Variants in CLYBL observed in about 807,000 individuals in gnomAD.
CLYBL encodes citramalyl-CoA lyase, also known as citramalyl-CoA lyase, mitochondrial.
Under a neutral mutation model 38.9 loss-of-function variants are expected in CLYBL, and 31 were observed. That is an observed-to-expected ratio of 0.80 (90% CI 0.60 to 1.08). The LOEUF is 1.08. CLYBL is among the 50% of genes least tolerant of loss of function. The probability of loss-of-function intolerance (pLI) is 0.00; values close to 1 mark genes in which losing one functional copy is unlikely to be tolerated. For missense variants in CLYBL, 434 were observed against 411.6 expected (o/e 1.05, Z -0.47); for synonymous variants, 171 against 158.6 (o/e 1.08, Z -0.59).
intron 2 of CLYBL, among the ~76,000 whole-genome samples, chr13:99,852,712 AGT>A (rs1330184180): frequency 8.7e-6 from 1 of 115,530 alleles, no homozygotes; most frequent in African/African-American, 3.5e-5. Context: ...AAAAATTGTC[AGT>A]GTTTTAGGGT....
intron 2 of CLYBL, among the ~76,000 whole-genome samples, chr13:99,805,986 A>G (rs908521575): frequency 1.3e-5 from 2 of 152,178 alleles, no homozygotes; most frequent in Non-Finnish European, 2.9e-5. Context: ...AATTCAGTTA[A>G]CTATTCCCCT....
intron 1 of CLYBL, among the ~76,000 whole-genome samples, chr13:99,648,869 G>C (rs2047212763): frequency 6.6e-6 from 1 of 151,626 alleles, no homozygotes; most frequent in Non-Finnish European, 1.5e-5. Flanking sequence ...TCTGCAAGTT[G>C]GACTTTGAAA....
At chr13:99,644,120 A>G (rs1010779413) in intron 1 of CLYBL, among the ~76,000 whole-genome samples, 1 of 151,182 alleles carries the variant, frequency 6.6e-6, no homozygotes, top group African/African-American at 2.4e-5. Context: ...GTATGTATGT[A>G]TATGTGGTGT....
At chr13:99,608,847 CTTTTTTTTTTTTTTTTTT>C (rs57961216) in intron 1 of CLYBL, among the ~76,000 whole-genome samples, 11,930 of 88,172 alleles carry the variant, frequency 0.14, 786 homozygotes, top group Middle Eastern at 0.17. Context: ...AGTGATGAGT[CTTTTTTTTTTTTTTTTTT>C]TTTTTTTTTT....
chr13:99,848,296 A>T (rs1344867879), intron 2 of CLYBL, among the ~76,000 whole-genome samples: 2 of 152,168 alleles, frequency 1.3e-5, no homozygotes, highest in Non-Finnish European at 2.9e-5. Flanking sequence ...CATCGCCACA[A>T]CTGGATGATA....
chr13:99,617,223 G>A (rs9634449), intron 1 of CLYBL, among the ~76,000 whole-genome samples: 38,874 of 152,024 alleles, frequency 0.26, 6,129 homozygotes, highest in East Asian at 0.58. Context: ...CCAGTAAAAT[G>A]AGGGTCTTAG....
chr13:99,710,534 G>A (rs551586125), intron 1 of CLYBL, among the ~76,000 whole-genome samples: 9 of 152,294 alleles, frequency 5.9e-5, no homozygotes, highest in African/African-American at 1.9e-4. Flanking sequence ...TTTTTATGCA[G>A]GTAGGGAAGA....
chr13:99,746,026 A>G (rs1055889693), intron 1 of CLYBL, among the ~76,000 whole-genome samples: 1 of 35,750 alleles, frequency 2.8e-5, no homozygotes, highest in Non-Finnish European at 8.1e-5. Flanking sequence ...CATGACAGTT[A>G]CCAAAAAAAA....
At chr13:99,782,913 A>G (rs2806307) in intron 2 of CLYBL, among the ~76,000 whole-genome samples, 53,221 of 150,940 alleles carry the variant, frequency 0.35, 9,828 homozygotes, top group Middle Eastern at 0.45. Context: ...ATCTTCTCAT[A>G]TTTTCTTCTT....
At chr13:99,850,351 C>T (rs1024890389) in intron 2 of CLYBL, among the ~76,000 whole-genome samples, 3 of 152,134 alleles carry the variant, frequency 2.0e-5, no homozygotes, top group Admixed American at 2.0e-4. Context: ...GGGCAAGGGA[C>T]TTGAATAGAC....
chr13:99,816,602 C>T (rs1278061220), intron 2 of CLYBL, among the ~76,000 whole-genome samples: 1 of 152,176 alleles, frequency 6.6e-6, no homozygotes, highest in East Asian at 1.9e-4. Flanking sequence ...AGATGGAGCC[C>T]ACATGAACTG....
Position 99,836,898 on chromosome 13 carries a change from G to A in CLYBL, c.250-21963G>A, listed in dbSNP as rs561144646. Among the ~76,000 whole-genome samples the A allele has an allele frequency of 3.3e-5, 5 of 152,188 alleles. No homozygotes were observed. In the South Asian group the frequency reaches 1.0e-3, roughly 32 times the overall value. On this transcript the variant is annotated intron_variant, in intron 2 of 8. Transcript: ENST00000339105. ...CACACCGGGGACTGTTGTGGGGTGG[G>A]GGAAGGGGGAGGGATAGCATTAGGA...
At chr13:99,889,133 C>T (rs2052423571) in intron 7 of CLYBL, among the ~76,000 whole-genome samples, 1 of 152,202 alleles carries the variant, frequency 6.6e-6, no homozygotes, top group African/African-American at 2.4e-5. Context: ...CTTTGATGTG[C>T]ACATGGAACC....
Position 99,869,486 on chromosome 13 carries a change from C to G in CLYBL, c.803-1452C>G, listed in dbSNP as rs566707200. On this transcript the variant is annotated intron_variant, in intron 6 of 8. Coordinates refer to ENST00000339105, the MANE Select transcript of CLYBL (RefSeq NM_206808.5). The surrounding 1 kb of genome is among the most constrained non-coding windows in gnomAD (Gnocchi z 4.3). ...CCCTCTTGTCATCCCTCATGTTATT[C>G]GTTCCCAGAAATTATTCCTCAGGTA... Among the ~76,000 whole-genome samples the G allele has an allele frequency of 2.0e-5, 3 of 152,182 alleles. No homozygotes were observed. Among genetic ancestry groups the G allele is most frequent in the Admixed American group, 1.3e-4 (2 of 15,280 alleles).
intron 1 of CLYBL, among the ~76,000 whole-genome samples, chr13:99,717,522 C>T (rs1053753004): frequency 2.6e-5 from 4 of 151,264 alleles, no homozygotes; most frequent in East Asian, 1.9e-4. Context: ...TGCAGTGGCA[C>T]GATCTCAGTT....
intron 1 of CLYBL, among the ~76,000 whole-genome samples, chr13:99,608,026 T>G (rs2046556532): frequency 6.7e-6 from 1 of 150,304 alleles, no homozygotes; most frequent in African/African-American, 2.5e-5. Context: ...ATTACAGGCG[T>G]GAGCCACCAT....
intron 1 of CLYBL, among the ~76,000 whole-genome samples, chr13:99,737,845 A>C (rs1237791472): frequency 6.6e-6 from 1 of 152,220 alleles, no homozygotes; most frequent in Non-Finnish European, 1.5e-5. Context: ...TCCAACTTTT[A>C]GAAGAGGCTA....
intron 2 of CLYBL, among the ~76,000 whole-genome samples, chr13:99,786,055 C>G (rs756312024): frequency 2.6e-5 from 4 of 151,918 alleles, no homozygotes; most frequent in Non-Finnish European, 5.9e-5. Flanking sequence ...TATATTTTAA[C>G]TTTAGTAAGG....
downstream of CLYBL, among the ~76,000 whole-genome samples, chr13:99,901,088 CG>C (rs982570912): frequency 5.3e-5 from 8 of 152,260 alleles, no homozygotes; most frequent in African/African-American, 1.7e-4. Flanking sequence ...GAAGAAGGCC[CG>C]GGGCAGGCAT....
Sources: allele counts gnomAD v4.1 joint callset (sites outside exome capture counted in the v4.1 genomes callset), GRCh38; gene constraint gnomAD v4.1.1; non-coding constraint Gnocchi (gnomAD v3.1); transcripts MANE v1.5; gene names NCBI Gene and HGNC (gene_info 2026-07-23, HGNC 2026-07-21).